NPHS2: variants seen among roughly 807,000 people sequenced by gnomAD.
NPHS2 encodes the protein podocin.
Under a neutral mutation model 37.1 loss-of-function variants are expected in NPHS2, and 36 were observed. The observed-to-expected ratio is 0.97, with a 90% confidence interval of 0.74 to 1.28. NPHS2 has a LOEUF of 1.28. Among genes scored for constraint, NPHS2 ranks in the 50% most tolerant of loss-of-function variants. The pLI, the probability that NPHS2 is intolerant of heterozygous loss-of-function variation, is 0.00. For missense variants in NPHS2, 447 were observed against 488.1 expected (o/e 0.92, Z 0.79); for synonymous variants, 196 against 189.3 (o/e 1.04, Z -0.29).
chr1:179,570,028 T>A (rs1270321882), intron 1 of NPHS2, among the ~76,000 whole-genome samples: 3 of 152,204 alleles, frequency 2.0e-5, no homozygotes, highest in Non-Finnish European at 4.4e-5. Flanking sequence ...GTCTTGGGGT[T>A]GCTTTTCTCA....
chr1:179,574,500 C>G (rs138495007), intron 1 of NPHS2, among the ~76,000 whole-genome samples: 4 of 152,230 alleles, frequency 2.6e-5, no homozygotes, highest in Admixed American at 6.5e-5. Context: ...TACAAGCCCT[C>G]TAACCTCAGC....
intron 1 of NPHS2, among the ~76,000 whole-genome samples, chr1:179,565,890 A>G (rs1226420692): frequency 6.6e-6 from 1 of 152,208 alleles, no homozygotes; most frequent in Non-Finnish European, 1.5e-5. Context: ...GTCCCTACAA[A>G]GGACATGAAC....
At position 179,556,645 on chromosome 1, in the gene NPHS2, C is replaced by T. The variant is rs1673942591; in HGVS notation, c.738+382G>A. 6.6e-6 allele frequency among the ~76,000 whole-genome samples: 1 copy of T among 152,142 alleles called. No individual in the cohort carries two copies. The highest frequency in any genetic ancestry group is 2.4e-5 in the African/African-American group (1 of 41,430). The stretch of plus-strand genomic sequence containing the variant: ...AACTTGGCACTCATTATGCTTGTTT[C>T]CCCAGGTAGACAGTAAGCTCCTGGG... On this transcript the variant is annotated intron_variant, in intron 5 of 7. Coordinates refer to ENST00000367615, the MANE Select transcript of NPHS2 (RefSeq NM_014625.4). The surrounding 1 kb of genome is among the most constrained non-coding windows in gnomAD (Gnocchi z 4.1).
At chr1:179,560,417 A>C (rs199581133) in intron 3 of NPHS2, among the ~76,000 whole-genome samples, 1 of 152,200 alleles carries the variant, frequency 6.6e-6, no homozygotes, top group African/African-American at 2.4e-5. Context: ...AGCACCTCAC[A>C]GAGTCCAGGA....
chr1:179,555,017 G>A (rs1366412147), intron 5 of NPHS2, among the ~76,000 whole-genome samples: 1 of 152,168 alleles, frequency 6.6e-6, no homozygotes, highest in Non-Finnish European at 1.5e-5. Context: ...AAGGTGCCAC[G>A]AGCTGAGAAA....
intron 1 of NPHS2, among the ~76,000 whole-genome samples, chr1:179,573,780 G>A (rs1674651795): frequency 6.6e-6 from 1 of 152,180 alleles, no homozygotes; most frequent in African/African-American, 2.4e-5. Context: ...ACAGTAGCGA[G>A]AGATATGCGT....
At chr1:179,559,563 A>G in intron 4 of NPHS2, 116 bp downstream of exon 4, 1 of 728,732 alleles carries the variant, frequency 1.4e-6, no homozygotes, top group Non-Finnish European at 2.4e-6. Flanking sequence ...TTAAGTTATG[A>G]TGTAGTCCAT....
At chr1:179,575,100 C>T (rs1296113158) in intron 1 of NPHS2, among the ~76,000 whole-genome samples, 2 of 152,316 alleles carry the variant, frequency 1.3e-5, no homozygotes, top group Middle Eastern at 3.4e-3. Flanking sequence ...TGTGGCTCTT[C>T]CTCACTTGGC....
intron 4 of NPHS2, among the ~76,000 whole-genome samples, chr1:179,558,682 A>G (rs929705307): frequency 2.6e-5 from 4 of 152,116 alleles, no homozygotes; most frequent in Non-Finnish European, 5.9e-5. Flanking sequence ...TGGCTGCACC[A>G]TTTTACATTT....
At chr1:179,562,180 A>G (rs1249138207) in intron 2 of NPHS2, among the ~76,000 whole-genome samples, 1 of 152,222 alleles carries the variant, frequency 6.6e-6, no homozygotes, top group African/African-American at 2.4e-5. Flanking sequence ...GAAAATGTGC[A>G]GAGATACTTT....
At position 179,550,761 on chromosome 1, in the gene NPHS2, T is replaced by G; in HGVS notation, c.*412A>C. ...CTGCATCTTTGGGACAGAAGAGCAA[T>G]AGAGTGTGACAAGCCCAATGATAGG... On this transcript the variant is annotated 3_prime_UTR_variant, in exon 8 of 8. Transcript: ENST00000367615. The G allele has an allele frequency of 3.7e-6, 1 of 267,816 alleles. No individual in the cohort carries two copies. Among genetic ancestry groups the G allele is most frequent in the Non-Finnish European group, 7.3e-6 (1 of 136,906 alleles). The allele number at this position is 267,816 out of a possible 1,614,324, so 16.6% of individuals were successfully genotyped here.
chr1:179,574,892 T>C (rs1387447212), intron 1 of NPHS2, among the ~76,000 whole-genome samples: 1 of 152,238 alleles, frequency 6.6e-6, no homozygotes, highest in Non-Finnish European at 1.5e-5. Context: ...TCCTTTGATC[T>C]AATTTTCCTC....
chr1:179,565,640 T>C (rs12145539), intron 1 of NPHS2, among the ~76,000 whole-genome samples: 28,649 of 152,170 alleles, frequency 0.19, 2,877 homozygotes, highest in East Asian at 0.35. Flanking sequence ...GTTACATAGG[T>C]ATACATGTGC....
chr1:179,561,281 T>C lies in NPHS2; in HGVS notation c.451+8A>G. The C allele has an allele frequency of 6.2e-7, 1 of 1,610,704 alleles. No homozygotes were observed. The highest frequency in any genetic ancestry group is 8.5e-7 in the Non-Finnish European group (1 of 1,176,890). On this transcript the variant is annotated splice_region_variant and intron_variant, in intron 3 of 7. Coordinates refer to ENST00000367615, the MANE Select transcript of NPHS2 (RefSeq NM_014625.4). ...GAGGTGTTTAGAAAAAAAAGAGTGTTTTTTTACCAGGGCCTTTGGCTCTTC... is the reference window on the plus strand; with the variant it reads ...GAGGTGTTTAGAAAAAAAAGAGTGTCTTTTTACCAGGGCCTTTGGCTCTTC...
In NPHS2 at chr1:179,575,841, G is replaced by A. The variant is rs202081233; in HGVS notation, c.24C>T (p.Ser8=). 2.6e-5 allele frequency: 38 copies of A among 1,438,432 alleles called. No individual in the cohort carries two copies. Among genetic ancestry groups the A allele is most frequent in the Non-Finnish European group, 3.3e-5 (37 of 1,105,500 alleles). 89.1% of individuals were successfully genotyped at this position (1,438,432 alleles called of 1,614,324 possible). A position where few individuals can be genotyped will look rare whatever the true frequency, so the allele number is the denominator to read the frequency against. The change falls in exon 1 of 8, where the codon TCC becomes TCT. Residue 8 remains serine, a synonymous_variant. Transcript: ENST00000367615. ...CGCCTCGCCCGCGGGACTCCCTGGA[G>A]GAGCTCCGCGCCCTCCTCTCCATCC... The part of the protein sequence containing the change: MERRARS[S]SRESRGRGGR...
chr1:179,575,418 C>G (rs1327044399), intron 1 of NPHS2, among the ~76,000 whole-genome samples, 173 bp downstream of exon 1: 2 of 152,194 alleles, frequency 1.3e-5, no homozygotes, highest in African/African-American at 4.8e-5. Flanking sequence ...GTTCTTTGCT[C>G]ACCATAGCAG....
intron 1 of NPHS2, among the ~76,000 whole-genome samples, chr1:179,571,920 G>A (rs543271649): frequency 6.6e-6 from 1 of 152,284 alleles, no homozygotes; most frequent in South Asian, 2.1e-4. Context: ...CTAAGAGCTT[G>A]GGAAAAGCAC....
At chr1:179,569,352 C>G (rs978742752) in intron 1 of NPHS2, among the ~76,000 whole-genome samples, 1 of 149,918 alleles carries the variant, frequency 6.7e-6, no homozygotes, top group African/African-American at 2.5e-5. Context: ...TTATCAGAGA[C>G]TAGGATTGCA....
chr1:179,552,245 T>TA (rs1341436918), intron 7 of NPHS2: 1 of 353,124 alleles, frequency 2.8e-6, no homozygotes, highest in African/African-American at 2.1e-5. Context: ...TGGGATACAG[T>TA]TCTAGGGGAT....
Sources: gnomAD v4.1 joint callset for allele counts (sites outside exome capture counted in the v4.1 genomes callset) on GRCh38, gnomAD v4.1.1 for gene constraint, Gnocchi (gnomAD v3.1) non-coding constraint, MANE v1.5 for transcripts, NCBI Gene and HGNC (gene_info 2026-07-23, HGNC 2026-07-21) for gene names.